SLC16A7: variants seen among roughly 807,000 people sequenced by gnomAD.
The protein encoded by SLC16A7 is solute carrier family 16 member 7, also known as monocarboxylate transporter 2.
In SLC16A7, 33 loss-of-function variants were observed where a neutral mutation model predicts 34.9. The observed-to-expected ratio is 0.94, with a 90% CI of 0.72 to 1.26. SLC16A7 has a LOEUF of 1.26. Among genes scored for constraint, SLC16A7 ranks in the 50% most tolerant of loss-of-function variants. SLC16A7 has a pLI of 0.00. For missense variants in SLC16A7, 573 were observed against 578.1 expected, an observed-to-expected ratio of 0.99 and a Z score of 0.09; for synonymous variants, 201 against 206.6, an observed-to-expected ratio of 0.97 and a Z score of 0.23.
chr12:59,682,848 C>A (rs1870848148), intron 2 of SLC16A7, among the ~76,000 whole-genome samples: 1 of 152,050 alleles, frequency 6.6e-6, no homozygotes, highest in Non-Finnish European at 1.5e-5. Context: ...GGTGGGATCA[C>A]CTGAGGTCGA....
intron 2 of SLC16A7, among the ~76,000 whole-genome samples, chr12:59,666,278 A>G (rs774370599): frequency 6.6e-6 from 1 of 152,196 alleles, no homozygotes; most frequent in Non-Finnish European, 1.5e-5. Context: ...TTTGAAGTAT[A>G]TCTAGATAAG....
At chr12:59,598,445 G>T (rs1375541420) in intron 1 of SLC16A7, among the ~76,000 whole-genome samples, 1 of 152,104 alleles carries the variant, frequency 6.6e-6, no homozygotes, top group Non-Finnish European at 1.5e-5. Flanking sequence ...CATATAGTCA[G>T]TCATTCAGGT....
intron 1 of SLC16A7, among the ~76,000 whole-genome samples, chr12:59,643,988 A>G (rs1880797142): frequency 3.9e-5 from 6 of 152,186 alleles, no homozygotes; most frequent in Admixed American, 3.9e-4. Context: ...TTAAAAAAGC[A>G]TTATCTGTCC....
intron 1 of SLC16A7, among the ~76,000 whole-genome samples, chr12:59,628,670 A>AAG (rs1880042083): frequency 6.6e-6 from 1 of 151,406 alleles, no homozygotes; most frequent in Admixed American, 6.6e-5. Context: ...GTGTGTGTGC[A>AAG]TGTGCGTGTG....
chr12:59,762,377 A>G (rs934599958), intron 3 of SLC16A7, among the ~76,000 whole-genome samples: 1 of 152,086 alleles, frequency 6.6e-6, no homozygotes, highest in African/African-American at 2.4e-5. Context: ...CGTTTCTATT[A>G]TTATACTATT....
intron 3 of SLC16A7, among the ~76,000 whole-genome samples, chr12:59,726,568 A>T (rs1264348758): frequency 6.6e-6 from 1 of 152,146 alleles, no homozygotes; most frequent in Non-Finnish European, 1.5e-5. Context: ...CTAAAATCTT[A>T]TTAACCAGTT....
At chr12:59,717,277 A>G (rs1875023675) in intron 3 of SLC16A7, among the ~76,000 whole-genome samples, 1 of 152,212 alleles carries the variant, frequency 6.6e-6, no homozygotes, top group Non-Finnish European at 1.5e-5. Context: ...TTGAATTTTA[A>G]TAACCTTAGT....
chr12:59,654,753 T>A (rs1250748541), intron 1 of SLC16A7, among the ~76,000 whole-genome samples: 1 of 151,576 alleles, frequency 6.6e-6, no homozygotes, highest in African/African-American at 2.4e-5. Context: ...GAGAGAAACA[T>A]CACTCAAAAG....
At chr12:59,691,035 G>T (rs1871588966) in intron 2 of SLC16A7, among the ~76,000 whole-genome samples, 1 of 151,782 alleles carries the variant, frequency 6.6e-6, no homozygotes, top group South Asian at 2.1e-4. Flanking sequence ...CTAAAGTTTT[G>T]TATTTCAACA....
intron 3 of SLC16A7, among the ~76,000 whole-genome samples, chr12:59,740,616 C>A (rs1451844068): frequency 6.6e-6 from 1 of 152,086 alleles, no homozygotes; most frequent in Non-Finnish European, 1.5e-5. Context: ...ACTGAATGGG[C>A]AAAAACTGGA....
At chr12:59,733,879 A>T in intron 3 of SLC16A7, 1 of 453,256 alleles carries the variant, frequency 2.2e-6, no homozygotes, top group Admixed American at 2.4e-5. Context: ...AGCTGAGGAG[A>T]CCCAAAGTGG....
At chr12:59,598,474 ATTTGCCTTTTAG>A (rs559371291) in intron 1 of SLC16A7, among the ~76,000 whole-genome samples, 74 of 149,220 alleles carry the variant, frequency 5.0e-4, no homozygotes, top group African/African-American at 1.6e-3. Flanking sequence ...CTTGTATCCC[ATTTGCCTTTTAG>A]TCCATTTTTT....
chr12:59,618,024 AT>A lies in SLC16A7; in HGVS notation c.-130+21795del, dbSNP rs1355000953. On this transcript the variant is annotated intron_variant, in intron 1 of 5. Transcript: ENST00000547379. ...TTTTACTATTGTTAACTGTGACTCA[AT>A]TTTTTTGTATCCTTGAGTTTTTTTT... Among the ~76,000 whole-genome samples, 6 of 151,926 alleles carry A rather than the reference AT, an allele frequency of 3.9e-5. No homozygotes were observed. The East Asian group carries it at 1.2e-3, about 29-fold the overall frequency.
intron 3 of SLC16A7, among the ~76,000 whole-genome samples, chr12:59,724,329 G>A (rs894673666): frequency 5.9e-5 from 9 of 152,026 alleles, no homozygotes; most frequent in African/African-American, 1.4e-4. Flanking sequence ...TGAAAGCTAA[G>A]CTTGTTGTCA....
chr12:59,742,503 C>T (rs1008923252), intron 3 of SLC16A7, among the ~76,000 whole-genome samples: 5 of 152,118 alleles, frequency 3.3e-5, no homozygotes, highest in African/African-American at 1.2e-4. Flanking sequence ...AAATGTCAAC[C>T]TAGGAGGAAA....
chr12:59,630,723 T>A (rs1042041325), intron 1 of SLC16A7, among the ~76,000 whole-genome samples: 4 of 151,808 alleles, frequency 2.6e-5, no homozygotes, highest in South Asian at 2.1e-4. Context: ...TCTAATAGAG[T>A]TTTTTTACAC....
chr12:59,765,332 T>C (rs1197520247), intron 3 of SLC16A7, among the ~76,000 whole-genome samples: 1 of 152,208 alleles, frequency 6.6e-6, no homozygotes, highest in African/African-American at 2.4e-5. Context: ...AGCTCTTTAG[T>C]TTAATTAGAT....
At chr12:59,659,912 T>C (rs1054424872) in intron 2 of SLC16A7, among the ~76,000 whole-genome samples, 5 of 152,114 alleles carry the variant, frequency 3.3e-5, no homozygotes, top group African/African-American at 1.2e-4. Context: ...CAGCAGTGTC[T>C]GCATTAGGAA....
At chr12:59,744,353 G>A (rs926169079) in intron 3 of SLC16A7, among the ~76,000 whole-genome samples, 1 of 152,144 alleles carries the variant, frequency 6.6e-6, no homozygotes, top group Non-Finnish European at 1.5e-5. Context: ...TCAGAGAGAA[G>A]CAGCTTGACT....
Sources: allele counts gnomAD v4.1 joint callset (sites outside exome capture counted in the v4.1 genomes callset), GRCh38; gene constraint gnomAD v4.1.1; transcripts MANE v1.5; gene names NCBI Gene and HGNC (gene_info 2026-07-23, HGNC 2026-07-21).